Variants in C1QTNF5 observed in about 807,000 individuals in gnomAD.
C1QTNF5 encodes the protein C1q and TNF related 5.
C1QTNF5 carries 5 observed loss-of-function variants against 10.9 expected under a neutral mutation model. That is an observed-to-expected ratio of 0.46 (90% CI 0.24 to 0.97). The LOEUF (loss-of-function observed/expected upper bound fraction) is 0.97, where lower values mean the gene tolerates loss of function less well. Among genes scored for constraint, C1QTNF5 ranks in the 50% least tolerant of loss-of-function variants. The pLI is 0.19. For synonymous variants in C1QTNF5, 161 were observed against 156.5 expected (o/e 1.03, Z -0.22); for missense variants, 281 against 339.4 (o/e 0.83, Z 1.35).
chr11:119,344,358 G>A (rs1950536085), upstream of C1QTNF5: 4 of 1,614,038 alleles, frequency 2.5e-6, no homozygotes, highest in Middle Eastern at 1.6e-4. Flanking sequence ...AGTAGAGAAA[G>A]TGCCCTGGAG....
chr11:119,341,702 G>T, upstream of C1QTNF5: 1 of 1,613,168 alleles, frequency 6.2e-7, no homozygotes, highest in Non-Finnish European at 8.5e-7. Flanking sequence ...GCCTAGTGGG[G>T]TGCAACGGGG....
At chr11:119,345,744 C>T, upstream of C1QTNF5, 1 of 1,613,382 alleles carries the variant, frequency 6.2e-7, no homozygotes, top group Non-Finnish European at 8.5e-7. Context: ...TTGGGCCCTT[C>T]TCCCGGAAGA....
chr11:119,344,031 G>A (rs1950531699), upstream of C1QTNF5: 3 of 1,599,404 alleles, frequency 1.9e-6, no homozygotes, highest in East Asian at 6.7e-5. Context: ...CACCCAGAAG[G>A]GTCTTCTTCC....
upstream of C1QTNF5, chr11:119,341,670 A>G: frequency 6.2e-7 from 1 of 1,613,020 alleles, no homozygotes; most frequent in Non-Finnish European, 8.5e-7. Context: ...TGGCAGACAG[A>G]GCGGCAAGGG....
chr11:119,342,669 C>G (rs759109552), upstream of C1QTNF5: 1 of 1,613,730 alleles, frequency 6.2e-7, no homozygotes, highest in Non-Finnish European at 8.5e-7. Flanking sequence ...TGTCACACAT[C>G]CACTGCACAC....
At chr11:119,343,064 C>T (rs1002815720), upstream of C1QTNF5, 184 of 1,548,796 alleles carry the variant, frequency 1.2e-4, no homozygotes, top group Non-Finnish European at 2.8e-5. Flanking sequence ...GGCACTGCAG[C>T]CTCCCACAGG....
At chr11:119,345,047 G>A (rs759385881), upstream of C1QTNF5, 32 of 1,584,862 alleles carry the variant, frequency 2.0e-5, no homozygotes, top group Non-Finnish European at 2.7e-5. Flanking sequence ...TCCAAGAGCA[G>A]GGTCAGCCAG....
At chr11:119,345,061 G>A (rs954241305), upstream of C1QTNF5, 2 of 1,575,528 alleles carry the variant, frequency 1.3e-6, no homozygotes, top group African/African-American at 2.7e-5. Flanking sequence ...CAGCCAGAGA[G>A]GAGCTTGCCT....
At position 119,338,947 on chromosome 11, in the gene C1QTNF5, T is replaced by G. The variant is rs1591298689; in HGVS notation, c.*384A>C. On this transcript the variant is annotated 3_prime_UTR_variant, in exon 3 of 3. Transcript: ENST00000528368. ...AGAAAGGCTGGAGCCGGTAGGAGGG[T>G]TCTTAGGTTTATTGAGTGATCTCTG... 21 of 172,310 alleles carry G rather than the reference T, an allele frequency of 1.2e-4. No individual in the cohort carries two copies. Among genetic ancestry groups the G allele is most frequent in the Admixed American group, 5.0e-4 (8 of 16,082 alleles). The allele number at this position is 172,310 out of a possible 1,614,324, so 10.7% of individuals were successfully genotyped here.
intron 1 of C1QTNF5, 88 bp downstream of exon 1, chr11:119,340,607 C>T (rs1444850194): frequency 1.4e-5 from 8 of 567,646 alleles, no homozygotes; most frequent in Non-Finnish European, 2.4e-5. Context: ...AGGGTGGGAG[C>T]GGCCAGCCCT....
chr11:119,346,016 C>T, the C1QTNF5 span: 6 of 1,612,892 alleles, frequency 3.7e-6, no homozygotes, highest in African/African-American at 8.0e-5. Context: ...ATTCCAAAGC[C>T]CTCGTTTCAA....
At chr11:119,345,893 T>A (rs1272265647), upstream of C1QTNF5, 1 of 1,613,604 alleles carries the variant, frequency 6.2e-7, no homozygotes, top group Non-Finnish European at 8.5e-7. Context: ...GGCAGTGGGC[T>A]ATGGGACGCC....
At chr11:119,345,129 C>A, upstream of C1QTNF5, 1 of 1,292,978 alleles carries the variant, frequency 7.7e-7, no homozygotes, top group East Asian at 2.5e-5. Context: ...GTCAAAAAGG[C>A]TCCTCTGATG....
rs770325735 is a variant in C1QTNF5 at position 119,339,540 on chromosome 11, T to A, written c.523A>T (p.Ile175Phe). Residue 175 changes from isoleucine to phenylalanine, a missense_variant, in exon 3 of 3, where the codon ATT (isoleucine) becomes TTT (phenylalanine). Coordinates refer to ENST00000528368, the MANE Select transcript of C1QTNF5 (RefSeq NM_001278431.2). This position sits in a 1 kb window ranked among gnomAD's most constrained non-coding sequence, Gnocchi z 5.4. ...QFDLVKNGES[I>F]ASFFQFFGGW... is the part of the protein sequence containing the mutation. ...CCGAAAAACTGGAAGAAAGAGGCAA[T>A]GGATTCGCCATTCTTCACCAGATCA... The A allele has an allele frequency of 6.2e-7, 1 of 1,611,334 alleles. No individual in the cohort carries two copies. Among genetic ancestry groups the A allele is most frequent in the Non-Finnish European group, 8.5e-7 (1 of 1,179,804 alleles).
Position 119,339,492 on chromosome 11 carries a change from G to C in C1QTNF5, c.571C>G (p.Leu191Val), listed in dbSNP as rs1451653076. 1 of 1,613,810 alleles carries C rather than the reference G, an allele frequency of 6.2e-7. No individual in the cohort carries two copies. Residue 191 changes from leucine to valine, a missense_variant, in exon 3 of 3, where the codon CTC (leucine) becomes GTC (valine). Leu to Val is a conservative substitution (Grantham distance 32). Transcript: ENST00000528368. The surrounding 1 kb of genome is among the most constrained non-coding windows in gnomAD (Gnocchi z 5.4). ...AGCCTCACCATGGCCCCCCCCGAGAGCGAGGCTGGCTTGGGCCACCCCCCG... is the reference window on the plus strand; with the variant it reads ...AGCCTCACCATGGCCCCCCCCGAGACCGAGGCTGGCTTGGGCCACCCCCCG... ...FFGGWPKPASLSGGAMVRLEP... is the reference protein window; with the variant it reads ...FFGGWPKPASVSGGAMVRLEP...
chr11:119,343,978 T>A (rs200069261), upstream of C1QTNF5: 2 of 1,610,298 alleles, frequency 1.2e-6, no homozygotes, highest in South Asian at 2.2e-5. Flanking sequence ...GGGGAGGGCA[T>A]AGGTGGAGCA....
chr11:119,345,064 G>A (rs903668120), upstream of C1QTNF5: 3 of 1,568,528 alleles, frequency 1.9e-6, no homozygotes, highest in African/African-American at 2.7e-5. Context: ...CCAGAGAGGA[G>A]CTTGCCTGGG....
chr11:119,341,757 G>C, upstream of C1QTNF5: 1 of 1,613,300 alleles, frequency 6.2e-7, no homozygotes. Flanking sequence ...TGGTAGCAGG[G>C]CAGGCTTGTC....
rs1282633884 is a variant in C1QTNF5 at position 119,339,854 on chromosome 11, G to A, written c.215-6C>T. The A allele has an allele frequency of 6.8e-7, 1 of 1,467,864 alleles. No individual in the cohort carries two copies. Among genetic ancestry groups the A allele is most frequent in the Non-Finnish European group, 8.9e-7 (1 of 1,117,612 alleles). 90.9% of individuals were successfully genotyped at this position (1,467,864 alleles called of 1,614,324 possible). A position where few individuals can be genotyped will look rare whatever the true frequency, so the allele number is the denominator to read the frequency against. On this transcript the variant is annotated splice_region_variant and splice_polypyrimidine_tract_variant and intron_variant, in intron 2 of 2. Coordinates refer to ENST00000528368, the MANE Select transcript of C1QTNF5 (RefSeq NM_001278431.2). The surrounding 1 kb of genome is among the most constrained non-coding windows in gnomAD (Gnocchi z 5.4). ...CCCTCGAGGTCCCGGCAGTCCTGCGGGGTAAGCGGGGCGGCAGGGTGAGAG... is the reference window on the plus strand; with the variant it reads ...CCCTCGAGGTCCCGGCAGTCCTGCGAGGTAAGCGGGGCGGCAGGGTGAGAG...
Sources: gnomAD v4.1 joint callset for allele counts on GRCh38, gnomAD v4.1.1 for gene constraint, Gnocchi (gnomAD v3.1) non-coding constraint, MANE v1.5 for transcripts, NCBI Gene and HGNC (gene_info 2026-07-23, HGNC 2026-07-21) for gene names.